The following NDUFS4 variants were observed in gnomAD, a reference collection of about 807,000 sequenced individuals.
NDUFS4 encodes the protein NADH dehydrogenase [ubiquinone] iron-sulfur protein 4, mitochondrial.
In NDUFS4, 28 loss-of-function variants were observed where a neutral mutation model predicts 24.3. The ratio of observed to expected loss-of-function variants is 1.15; its 90% CI spans 0.85 to 1.58. The LOEUF (loss-of-function observed/expected upper bound fraction) is 1.58, where lower values mean the gene tolerates loss of function less well. NDUFS4 is among the 40% of genes most tolerant of loss of function. The pLI, the probability that NDUFS4 is intolerant of heterozygous loss-of-function variation, is 0.00. For missense variants in NDUFS4, 223 were observed against 207.9 expected, an observed-to-expected ratio of 1.07 and a Z score of -0.45; for synonymous variants, 93 against 69.7, an observed-to-expected ratio of 1.34 and a Z score of -1.67.
Position 53,618,606 on chromosome 5 carries a change from T to C in NDUFS4, c.177+15076T>C, listed in dbSNP as rs1386789122. ...AACAGCCTGTGGCACTAATATCATC[T>C]GTGATATTATCTCTCAATATACAGT... On this transcript the variant is annotated intron_variant, in intron 2 of 4. Transcript: ENST00000296684. 2.0e-5 allele frequency among the ~76,000 whole-genome samples: 3 copies of C among 152,312 alleles called. No individual in the cohort carries two copies. The East Asian group carries it at 5.8e-4, about 29-fold the overall frequency.
At position 53,606,960 on chromosome 5, in the gene NDUFS4, G is replaced by T. The variant is rs181408463; in HGVS notation, c.177+3430G>T. ...TACAGTGTAACTGTTATATTGTACTGTTTAGAGAATAATGACAAGAAAAAA... is the reference window on the plus strand; with the variant it reads ...TACAGTGTAACTGTTATATTGTACTTTTTAGAGAATAATGACAAGAAAAAA... On this transcript the variant is annotated intron_variant, in intron 2 of 4. Transcript: ENST00000296684. 8.5e-5 allele frequency among the ~76,000 whole-genome samples: 13 copies of T among 152,268 alleles called. No individual in the cohort carries two copies. The East Asian group carries it at 2.5e-3, about 29-fold the overall frequency.
chr5:53,672,141 G>A (rs567946846), intron 4 of NDUFS4, among the ~76,000 whole-genome samples: 1 of 151,960 alleles, frequency 6.6e-6, no homozygotes, highest in Admixed American at 6.6e-5. Flanking sequence ...TATCCCAGAA[G>A]TGAACAACAT....
chr5:53,663,076 T>C (rs571815026), intron 4 of NDUFS4, among the ~76,000 whole-genome samples: 1 of 152,334 alleles, frequency 6.6e-6, no homozygotes, highest in South Asian at 2.1e-4. Context: ...CATTTCATTA[T>C]GTACCCAGTA....
At chr5:53,600,241 C>G (rs972963263) in intron 1 of NDUFS4, among the ~76,000 whole-genome samples, 2 of 151,844 alleles carry the variant, frequency 1.3e-5, no homozygotes, top group Admixed American at 6.6e-5. Context: ...TTAGGTGATC[C>G]GCCATCCTCG....
intron 2 of NDUFS4, among the ~76,000 whole-genome samples, chr5:53,645,200 CA>C (rs1159882055): frequency 6.6e-6 from 1 of 152,102 alleles, no homozygotes; most frequent in Non-Finnish European, 1.5e-5. Flanking sequence ...TAAAATGCTT[CA>C]TTAATAAGCA....
At chr5:53,658,145 A>T (rs374834086) in intron 3 of NDUFS4, among the ~76,000 whole-genome samples, 1 of 152,266 alleles carries the variant, frequency 6.6e-6, no homozygotes, top group East Asian at 1.9e-4. Context: ...GAAGAAGTTA[A>T]TTTAAAAAAA....
chr5:53,603,798 C>T (rs1036127396), intron 2 of NDUFS4, among the ~76,000 whole-genome samples: 1 of 151,978 alleles, frequency 6.6e-6, no homozygotes, highest in African/African-American at 2.4e-5. Flanking sequence ...GCAGAACATT[C>T]ATTACTTTTT....
At chr5:53,561,100 C>T (rs1748827866) in intron 1 of NDUFS4, among the ~76,000 whole-genome samples, 1 of 152,154 alleles carries the variant, frequency 6.6e-6, no homozygotes, top group South Asian at 2.1e-4. Context: ...ATTTCTGTTT[C>T]CACTTTCTGC....
intron 1 of NDUFS4, among the ~76,000 whole-genome samples, chr5:53,578,806 A>T (rs1561338608): frequency 6.6e-6 from 1 of 150,746 alleles, no homozygotes; most frequent in East Asian, 1.9e-4. Context: ...TACTTTTCTT[A>T]CTTTCTTTTT....
intron 2 of NDUFS4, among the ~76,000 whole-genome samples, chr5:53,622,799 A>G (rs939151257): frequency 6.6e-6 from 1 of 152,226 alleles, no homozygotes; most frequent in Non-Finnish European, 1.5e-5. Flanking sequence ...AACCACATTC[A>G]TAATGTTAAG....
intron 1 of NDUFS4, among the ~76,000 whole-genome samples, chr5:53,590,643 A>G (rs1290112146): frequency 6.6e-6 from 1 of 152,204 alleles, no homozygotes; most frequent in African/African-American, 2.4e-5. Flanking sequence ...ACATATGTGA[A>G]GAGACTGTCT....
At chr5:53,646,457 A>C in intron 3 of NDUFS4, 52 bp downstream of exon 3, 2 of 1,569,254 alleles carry the variant, frequency 1.3e-6, no homozygotes, top group Non-Finnish European at 1.8e-6. Context: ...TTCTATGTAG[A>C]TCTTTCTTCT....
Position 53,583,027 on chromosome 5 carries a change from G to A in NDUFS4, c.99-20425G>A, listed in dbSNP as rs1020369919. 3.9e-5 allele frequency among the ~76,000 whole-genome samples: 6 copies of A among 151,928 alleles called. 1 individual carries two copies. Among genetic ancestry groups the A allele is most frequent in the Admixed American group, 2.0e-4 (3 of 15,250 alleles). Reference sequence around the variant, plus strand: ...TGAGTAGCTGGGAGTACAGGCGCCCGCCACCACGCCTGGCTAATTTTTTGT... The same window carrying A: ...TGAGTAGCTGGGAGTACAGGCGCCCACCACCACGCCTGGCTAATTTTTTGT... On this transcript the variant is annotated intron_variant, in intron 1 of 4. Transcript: ENST00000296684.
intron 2 of NDUFS4, among the ~76,000 whole-genome samples, chr5:53,607,803 T>G (rs1213179205): frequency 6.6e-6 from 1 of 152,148 alleles, no homozygotes; most frequent in African/African-American, 2.4e-5. Context: ...CCAAAACAGT[T>G]TGAATGCAAG....
intron 1 of NDUFS4, among the ~76,000 whole-genome samples, chr5:53,578,321 G>C (rs10065077): frequency 0.034 from 5,124 of 152,180 alleles, 279 homozygotes; most frequent in African/African-American, 0.12. Flanking sequence ...TTGGCTTAAA[G>C]TTCAAATTCT....
chr5:53,648,825 G>T (rs1010797895), intron 3 of NDUFS4, among the ~76,000 whole-genome samples: 1 of 152,122 alleles, frequency 6.6e-6, no homozygotes, highest in South Asian at 2.1e-4. Flanking sequence ...GTATCAAGGA[G>T]AATACTTTGA....
At chr5:53,654,803 A>G (rs1285694090) in intron 3 of NDUFS4, among the ~76,000 whole-genome samples, 1 of 152,196 alleles carries the variant, frequency 6.6e-6, no homozygotes, top group Non-Finnish European at 1.5e-5. Flanking sequence ...TCTTAGGTAA[A>G]TCAAGAGTCA....
intron 1 of NDUFS4, among the ~76,000 whole-genome samples, chr5:53,584,196 C>T (rs1749667237): frequency 6.6e-6 from 1 of 152,184 alleles, no homozygotes; most frequent in Non-Finnish European, 1.5e-5. Flanking sequence ...TGTCTGCCTT[C>T]TCGCAATAAA....
intron 2 of NDUFS4, among the ~76,000 whole-genome samples, chr5:53,609,582 C>G (rs1424056044): frequency 1.3e-5 from 2 of 152,176 alleles, no homozygotes; most frequent in Non-Finnish European, 2.9e-5. Context: ...GCATTAGCCT[C>G]TAAGAGTCAG....
Sources: allele counts gnomAD v4.1 joint callset (sites outside exome capture counted in the v4.1 genomes callset), GRCh38; gene constraint gnomAD v4.1.1; transcripts MANE v1.5; gene names NCBI Gene and HGNC (gene_info 2026-07-23, HGNC 2026-07-21).